SPSB1: variants seen among roughly 807,000 people sequenced by gnomAD.
The protein encoded by SPSB1 is splA/ryanodine receptor domain and SOCS box containing 1, also known as SPRY domain-containing SOCS box protein 1.
In SPSB1, 8 loss-of-function variants were observed where a neutral mutation model predicts 21.2. The observed-to-expected ratio is 0.38, with a 90% CI of 0.22 to 0.68. The LOEUF (loss-of-function observed/expected upper bound fraction) is 0.68, where lower values mean the gene tolerates loss of function less well. Among genes scored for constraint, SPSB1 ranks in the 30% least tolerant of loss-of-function variants. The pLI is 0.53. For synonymous variants in SPSB1, 169 were observed against 161.7 expected, an observed-to-expected ratio of 1.05 and a Z score of -0.34; for missense variants, 242 against 377.8, an observed-to-expected ratio of 0.64 and a Z score of 2.98.
chr1:9,352,263 C>T (rs1041157580), intron 1 of SPSB1, among the ~76,000 whole-genome samples: 3 of 152,206 alleles, frequency 2.0e-5, no homozygotes, highest in Non-Finnish European at 2.9e-5. Flanking sequence ...CAAGGTGAAG[C>T]CGTCCTTTCT....
chr1:9,318,359 C>T (rs1639648205), intron 1 of SPSB1, among the ~76,000 whole-genome samples: 1 of 152,246 alleles, frequency 6.6e-6, no homozygotes, highest in African/African-American at 2.4e-5. Flanking sequence ...GTGTAGGACC[C>T]TGCCTGAGGC....
chr1:9,360,776 C>T lies in SPSB1; in HGVS notation c.694+4191C>T, dbSNP rs559565355. 4.6e-5 allele frequency among the ~76,000 whole-genome samples: 7 copies of T among 152,336 alleles called. No homozygotes were observed. The South Asian group carries it at 1.2e-3, about 27-fold the overall frequency. ...TGCCCTCGTCATAATGAAGTACATC[C>T]GCAAGGCCCTGTTTCCAGATAAGGC... On this transcript the variant is annotated intron_variant, in intron 2 of 2. Transcript: ENST00000328089.
At position 9,320,008 on chromosome 1, in the gene SPSB1, G is replaced by C. The variant is rs1017189248; in HGVS notation, c.-150+26937G>C. ...CAGGACCCTCGACTTCTCAGGGGTG[G>C]AGGGGAGTCTGTGCTTCGAGCCCCC... On this transcript the variant is annotated intron_variant, in intron 1 of 2. Coordinates refer to ENST00000328089, the MANE Select transcript of SPSB1 (RefSeq NM_025106.4). 2.6e-5 allele frequency among the ~76,000 whole-genome samples: 4 copies of C among 152,146 alleles called. No individual in the cohort carries two copies. The South Asian group carries it at 8.3e-4, about 32-fold the overall frequency.
chr1:9,362,643 C>T (rs904687863), intron 2 of SPSB1, among the ~76,000 whole-genome samples: 13 of 152,216 alleles, frequency 8.5e-5, no homozygotes, highest in African/African-American at 2.9e-4. Flanking sequence ...GAACTGGGCA[C>T]AGCACCACAC....
At chr1:9,316,520 G>A (rs1282388455) in intron 1 of SPSB1, among the ~76,000 whole-genome samples, 2 of 152,224 alleles carry the variant, frequency 1.3e-5, no homozygotes, top group African/African-American at 4.8e-5. Context: ...CTGCTGCTGG[G>A]CCAGGCATCA....
At position 9,356,400 on chromosome 1, in the gene SPSB1, C is replaced by T. The variant is rs1349317684; in HGVS notation, c.509C>T (p.Thr170Ile). The T allele has an allele frequency of 6.2e-7, 1 of 1,614,158 alleles. No individual in the cohort carries two copies. Among genetic ancestry groups the T allele is most frequent in the Non-Finnish European group, 8.5e-7 (1 of 1,180,036 alleles). ...TYPAFLEPDE[T>I]FIVPDSFLVA... is the part of the protein sequence containing the mutation. ...CCAGCCTTTCTGGAACCAGATGAGACATTCATTGTCCCTGACTCCTTCCTG... is the reference window on the plus strand; with the variant it reads ...CCAGCCTTTCTGGAACCAGATGAGATATTCATTGTCCCTGACTCCTTCCTG... Residue 170 changes from threonine to isoleucine, a missense_variant, in exon 2 of 3, where the codon ACA becomes ATA. Transcript: ENST00000328089. This position sits in a 1 kb window ranked among gnomAD's most constrained non-coding sequence, Gnocchi z 7.4.
chr1:9,356,731 G>C lies in SPSB1; in HGVS notation c.694+146G>C. The C allele has an allele frequency of 1.5e-6, 2 of 1,341,750 alleles. No homozygotes were observed. Among genetic ancestry groups the C allele is most frequent in the Non-Finnish European group, 2.0e-6 (2 of 1,022,756 alleles). The allele number at this position is 1,341,750 out of a possible 1,614,324, so 83.1% of individuals were successfully genotyped here. A position where few individuals can be genotyped will look rare whatever the true frequency, so the allele number is the denominator to read the frequency against. On this transcript the variant is annotated intron_variant, in intron 2 of 2. Coordinates refer to ENST00000328089, the MANE Select transcript of SPSB1 (RefSeq NM_025106.4). This position sits in a 1 kb window ranked among gnomAD's most constrained non-coding sequence, Gnocchi z 7.4. ...ATTCAGACCCTCAGAGGCAACTTTT[G>C]CATCGGGTTAAGTGAGGAATTCTAC...
chr1:9,325,219 A>AC (rs1639796305), intron 1 of SPSB1, among the ~76,000 whole-genome samples: 17 of 26,234 alleles, frequency 6.5e-4, no homozygotes, highest in South Asian at 1.8e-3. Context: ...AATGCCTCCC[A>AC]CCACCACCCC....
At chr1:9,295,223 T>TGTGTGTGTGAGAGTGTGAGA (rs1639200208) in intron 1 of SPSB1, among the ~76,000 whole-genome samples, 2 of 147,334 alleles carry the variant, frequency 1.4e-5, no homozygotes, top group African/African-American at 5.3e-5. Context: ...TGTGAGTGTG[T>TGTGTGTGTGAGAGTGTGAGA]GTGTGTGTGT....
intron 1 of SPSB1, among the ~76,000 whole-genome samples, chr1:9,306,916 TTTCTTC>T (rs775954617): frequency 5.3e-5 from 4 of 74,892 alleles, no homozygotes; most frequent in African/African-American, 1.6e-4. Context: ...TTCTTTTACT[TTTCTTC>T]TTTTCTTCTT....
chr1:9,329,131 G>A (rs960614184), intron 1 of SPSB1, among the ~76,000 whole-genome samples: 2 of 152,208 alleles, frequency 1.3e-5, no homozygotes, highest in Non-Finnish European at 1.5e-5. Flanking sequence ...CCTCCCAAGG[G>A]GGAGAATTGA....
At position 9,292,897 on chromosome 1, in the gene SPSB1, C is replaced by T. The variant is rs1639141557; in HGVS notation, c.-324C>T. ...CGTCGGTTGCTTTTTCTCCTCCGCA[C>T]AGAAGTCGCGCTCGGGCAGCCTGCG... On this transcript the variant is annotated 5_prime_UTR_variant, in exon 1 of 3. Transcript: ENST00000328089. 2 of 983,478 alleles carry T rather than the reference C, an allele frequency of 2.0e-6. No homozygotes were observed. The highest frequency in any genetic ancestry group is 2.4e-6 in the Non-Finnish European group (2 of 829,366). 60.9% of individuals were successfully genotyped at this position (983,478 alleles called of 1,614,324 possible).
chr1:9,307,392 T>C (rs2100466791), intron 1 of SPSB1, among the ~76,000 whole-genome samples: 1 of 152,328 alleles, frequency 6.6e-6, no homozygotes, highest in African/African-American at 2.4e-5. Flanking sequence ...ACATTCGGCG[T>C]CACCTCCCAT....
At chr1:9,361,123 G>C (rs1322242908) in intron 2 of SPSB1, among the ~76,000 whole-genome samples, 1 of 150,700 alleles carries the variant, frequency 6.6e-6, no homozygotes, top group African/African-American at 2.5e-5. Flanking sequence ...ACAGATGGAG[G>C]CTCTGGCCAG....
chr1:9,340,434 A>C (rs1010419793), intron 1 of SPSB1, among the ~76,000 whole-genome samples: 1 of 152,142 alleles, frequency 6.6e-6, no homozygotes, highest in Admixed American at 6.5e-5. Context: ...TTGTGTTATG[A>C]AAACGTGGGT....
intron 1 of SPSB1, among the ~76,000 whole-genome samples, chr1:9,316,935 G>C (rs72642735): frequency 0.043 from 6,545 of 152,228 alleles, 154 homozygotes; most frequent in African/African-American, 0.058. Context: ...GGAGCTGCCT[G>C]GTGCTCTCCT....
chr1:9,299,123 G>C (rs559398767), intron 1 of SPSB1, among the ~76,000 whole-genome samples: 3 of 152,238 alleles, frequency 2.0e-5, no homozygotes, highest in East Asian at 3.8e-4. Context: ...AGTGGTGACT[G>C]CAAAATTCAC....
chr1:9,309,297 AGAGAGT>A (rs758363286), intron 1 of SPSB1, among the ~76,000 whole-genome samples: 7 of 112,116 alleles, frequency 6.2e-5, no homozygotes, highest in African/African-American at 2.4e-4. Flanking sequence ...AGAGAGAGAG[AGAGAGT>A]GTGTGTGTGT....
chr1:9,294,385 G>C (rs1639175611), intron 1 of SPSB1: 1 of 152,498 alleles, frequency 6.6e-6, no homozygotes, highest in Admixed American at 6.6e-5. Context: ...TGTGTGTGGG[G>C]ACCATCCAGG....
Sources: gnomAD v4.1 joint callset for allele counts (sites outside exome capture counted in the v4.1 genomes callset) on GRCh38, gnomAD v4.1.1 for gene constraint, Gnocchi (gnomAD v3.1) non-coding constraint, MANE v1.5 for transcripts, NCBI Gene and HGNC (gene_info 2026-07-23, HGNC 2026-07-21) for gene names.